The following GLB1 variants were observed in gnomAD, a reference collection of about 807,000 sequenced individuals.
GLB1 encodes the protein beta-galactosidase.
GLB1 carries 56 observed loss-of-function variants against 74.0 expected under a neutral mutation model. That is an observed-to-expected ratio of 0.76 (90% confidence interval 0.61 to 0.94). The LOEUF is 0.94. GLB1 is among the 40% of genes least tolerant of loss of function. The probability of loss-of-function intolerance (pLI) is 0.00; values close to 1 mark genes in which losing one functional copy is unlikely to be tolerated. For synonymous variants in GLB1, 323 were observed against 323.6 expected (o/e 1.00, Z 0.02); for missense variants, 787 against 845.5 (o/e 0.93, Z 0.86).
intron 14 of GLB1, among the ~76,000 whole-genome samples, chr3:33,015,924 C>A (rs1437444180): frequency 1.3e-5 from 2 of 152,196 alleles, no homozygotes; most frequent in Non-Finnish European, 2.9e-5. Context: ...TCTCTTGACA[C>A]CTTTGCATTC....
chr3:33,096,837 C>A, intron 1 of GLB1, 174 bp downstream of exon 1: 1 of 1,367,780 alleles, frequency 7.3e-7, no homozygotes, highest in Non-Finnish European at 9.4e-7. Context: ...GGCCCGCCCC[C>A]GACGGGAAGG....
At chr3:33,088,368 TACAC>T (rs55949952) in intron 1 of GLB1, among the ~76,000 whole-genome samples, 21,615 of 141,586 alleles carry the variant, frequency 0.15, 2,761 homozygotes, top group African/African-American at 0.36. Context: ...CCCTAAAGAC[TACAC>T]ACACACACAC....
chr3:33,021,124 T>G, intron 12 of GLB1: 1 of 192,518 alleles, frequency 5.2e-6, no homozygotes, highest in Non-Finnish European at 1.1e-5. Context: ...ATGTGCTCTG[T>G]TCTCTTCAAA....
At chr3:33,024,465 A>G in intron 10 of GLB1, 140 bp from the exon 11 acceptor site, 1 of 885,766 alleles carries the variant, frequency 1.1e-6, no homozygotes, top group Non-Finnish European at 1.7e-6. Flanking sequence ...AAGGAACTAG[A>G]GACTTCTTCC....
At chr3:32,992,898 TG>T (rs1696247717), downstream of GLB1, among the ~76,000 whole-genome samples, 1 of 152,186 alleles carries the variant, frequency 6.6e-6, no homozygotes, top group African/African-American at 2.4e-5. Flanking sequence ...AAGGGACATC[TG>T]GGGAAGTATT....
At chr3:33,034,118 TG>T in intron 10 of GLB1, 1 of 610,640 alleles carries the variant, frequency 1.6e-6, no homozygotes, top group South Asian at 1.6e-5. Context: ...AGTCATTATC[TG>T]GAAAGAGGAA....
intron 13 of GLB1, among the ~76,000 whole-genome samples, chr3:33,017,371 AC>A (rs1166087010): frequency 6.6e-5 from 10 of 152,204 alleles, no homozygotes; most frequent in Non-Finnish European, 1.5e-4. Flanking sequence ...CATATTCCTA[AC>A]TTTTTAAAAG....
rs952757588 is a variant in GLB1, at chr3:33,034,294, G to C, written c.1069-9969C>G. 15 of 721,880 alleles carry C rather than the reference G, an allele frequency of 2.1e-5. 1 individual carries two copies. The highest frequency in any genetic ancestry group is 1.7e-4 in the Admixed American group (9 of 52,954). The allele number at this position is 721,880 out of a possible 1,614,324, so 44.7% of individuals were successfully genotyped here. On this transcript the variant is annotated intron_variant, in intron 10 of 15. Coordinates refer to ENST00000307363, the MANE Select transcript of GLB1 (RefSeq NM_000404.4). Reference sequence around the variant, plus strand: ...GGGAAGGCCAATGGGAAGTGAAAAAGATCAACAACGCTTACACCATTGGCT... The same window carrying C: ...GGGAAGGCCAATGGGAAGTGAAAAACATCAACAACGCTTACACCATTGGCT...
downstream of GLB1, among the ~76,000 whole-genome samples, chr3:32,992,343 C>T (rs933247636): frequency 2.0e-5 from 3 of 152,324 alleles, no homozygotes; most frequent in Middle Eastern, 3.4e-3. Context: ...TTGAACTGAA[C>T]ACAAAGGGAT....
chr3:32,989,544 G>C, the GLB1 span, among the ~76,000 whole-genome samples: 3 of 152,082 alleles, frequency 2.0e-5, no homozygotes, highest in Non-Finnish European at 4.4e-5. Context: ...TATCCACTGG[G>C]GACCCACATA....
At chr3:32,968,647 A>G in the GLB1 span, among the ~76,000 whole-genome samples, 1 of 152,194 alleles carries the variant, frequency 6.6e-6, no homozygotes, top group Admixed American at 6.5e-5. Flanking sequence ...TGGCTAAGCC[A>G]TTACATGAAG....
At chr3:32,971,234 T>C in the GLB1 span, among the ~76,000 whole-genome samples, 1 of 152,234 alleles carries the variant, frequency 6.6e-6, no homozygotes, top group African/African-American at 2.4e-5. Flanking sequence ...AAGCCAGAGC[T>C]ACCTTTTTGG....
rs143377588 is a variant in GLB1 at position 33,057,243 on chromosome 3, T to C, written c.733+846A>G. Among the ~76,000 whole-genome samples the C allele has an allele frequency of 7.1e-3, 1,081 of 152,330 alleles. 8 individuals are homozygous for C. Among genetic ancestry groups the C allele is most frequent in the Middle Eastern group, 0.034 (10 of 294 alleles). ...ACGTGCCTGCTTTCCCTTTGCCTTC[T>C]GCCATGATTTTAAGTTTCCTAAGGC... On this transcript the variant is annotated intron_variant, in intron 6 of 15. Transcript: ENST00000307363.
In GLB1 at chr3:33,065,557, T is replaced by C; in HGVS notation, c.458A>G (p.Asp153Gly). Residue 153 changes from aspartate to glycine, a missense_variant and splice_region_variant, in exon 5 of 16, where the codon GAT becomes GGT. Transcript: ENST00000307363. ...CCACTTGTCCACAGCTGCCAGGTAA[T>C]CTGGAAAACAAGAAAAGTTTAACAC... ...ESILLRSSDP[D>G]YLAAVDKWLG... is the part of the protein sequence containing the mutation. 2 of 1,570,008 alleles carry C rather than the reference T, an allele frequency of 1.3e-6. No individual in the cohort carries two copies. Among genetic ancestry groups the C allele is most frequent in the East Asian group, 2.3e-5 (1 of 43,244 alleles).
At chr3:33,005,435 A>C (rs764638636) in intron 15 of GLB1, among the ~76,000 whole-genome samples, 1 of 152,224 alleles carries the variant, frequency 6.6e-6, no homozygotes, top group African/African-American at 2.4e-5. Context: ...CATGGTTTAC[A>C]TATCTCTTAC....
intron 15 of GLB1, among the ~76,000 whole-genome samples, chr3:33,008,360 G>C (rs1453767965): frequency 3.3e-5 from 5 of 152,136 alleles, no homozygotes; most frequent in Non-Finnish European, 7.3e-5. Flanking sequence ...ATGAGAACAG[G>C]ATCTTGCCCT....
chr3:33,002,443 T>C (rs1009604046), intron 15 of GLB1, among the ~76,000 whole-genome samples: 28 of 150,050 alleles, frequency 1.9e-4, no homozygotes, highest in Admixed American at 1.1e-3. Context: ...TCATAGTCCA[T>C]TGCAGCCTCG....
chr3:33,038,064 G>C (rs920951410), intron 10 of GLB1: 2 of 147,154 alleles, frequency 1.4e-5, no homozygotes, highest in African/African-American at 2.5e-5. Context: ...ATTGGTGAGA[G>C]AGGTAACAAA....
At chr3:33,022,564 A>ATTTGTTTTTTTTTTTTTTTTTT (rs1697539049) in intron 11 of GLB1, among the ~76,000 whole-genome samples, 3 of 63,746 alleles carry the variant, frequency 4.7e-5, no homozygotes, top group Non-Finnish European at 5.8e-5. Context: ...ACTGGTTAGG[A>ATTTGTTTTTTTTTTTTTTTTTT]TTTTTTTTTT....
Sources: allele counts gnomAD v4.1 joint callset (sites outside exome capture counted in the v4.1 genomes callset), GRCh38; gene constraint gnomAD v4.1.1; transcripts MANE v1.5; gene names NCBI Gene and HGNC (gene_info 2026-07-23, HGNC 2026-07-21).